The following MTPAP variants were observed in gnomAD, a reference collection of about 807,000 sequenced individuals.
MTPAP encodes the protein poly(A) RNA polymerase, mitochondrial.
In MTPAP, 23 loss-of-function variants were observed where a neutral mutation model predicts 48.7. That is an observed-to-expected ratio of 0.47 (90% CI 0.34 to 0.67). MTPAP has a LOEUF of 0.67. MTPAP is among the 30% of genes least tolerant of loss of function. The pLI, the probability that MTPAP is intolerant of heterozygous loss-of-function variation, is 0.01. For missense variants in MTPAP, 614 were observed against 694.3 expected (o/e 0.88, Z 1.30); for synonymous variants, 257 against 254.1 (o/e 1.01, Z -0.11).
intron 1 of MTPAP, chr10:30,348,814 T>C: frequency 2.4e-6 from 1 of 419,280 alleles, no homozygotes; most frequent in Admixed American, 3.8e-5. Context: ...TTGGGAACAC[T>C]ATTTCGTCAA....
intron 6 of MTPAP, among the ~76,000 whole-genome samples, chr10:30,321,172 G>C (rs1397455393): frequency 6.6e-6 from 1 of 152,134 alleles, no homozygotes; most frequent in Non-Finnish European, 1.5e-5. Context: ...TCTCAAAAGT[G>C]AGATAAGTGA....
At chr10:30,315,515 C>A (rs553563) in intron 8 of MTPAP, among the ~76,000 whole-genome samples, 84,479 of 137,468 alleles carry the variant, frequency 0.61, 27,252 homozygotes, top group Middle Eastern at 0.72. Flanking sequence ...AAAAAAAAAA[C>A]AAAACAAAAC....
Position 30,326,491 on chromosome 10 carries a change from G to T in MTPAP, c.925C>A (p.Arg309=). ...CVGVQKILNA[R]CPLVRFSHQA... ...TGTGAGAACCTCACGAGCGGACACC[G>T]GGCATTTAATATTTTTTGCACACCC... The change falls in exon 5 of 9, where the codon CGG becomes AGG. Residue 309 remains arginine, a synonymous_variant. Coordinates refer to ENST00000263063, the MANE Select transcript of MTPAP (RefSeq NM_018109.4). 1 of 1,614,062 alleles carries T rather than the reference G, an allele frequency of 6.2e-7. No individual in the cohort carries two copies. The highest frequency in any genetic ancestry group is 8.5e-7 in the Non-Finnish European group (1 of 1,180,008).
chr10:30,320,759 C>T (rs1313198657), intron 6 of MTPAP, among the ~76,000 whole-genome samples: 1 of 152,134 alleles, frequency 6.6e-6, no homozygotes, highest in African/African-American at 2.4e-5. Flanking sequence ...GGTACCAGTA[C>T]TTGTAAGACT....
intron 1 of MTPAP, among the ~76,000 whole-genome samples, chr10:30,344,861 G>A (rs181906002): frequency 7.0e-4 from 107 of 152,140 alleles, no homozygotes; most frequent in African/African-American, 2.5e-3. Context: ...CTGCCACTGC[G>A]CCAGGCTAAT....
chr10:30,342,161 A>G (rs1056583791), intron 1 of MTPAP, among the ~76,000 whole-genome samples: 1 of 152,142 alleles, frequency 6.6e-6, no homozygotes, highest in African/African-American at 2.4e-5. Flanking sequence ...ACTTGAAACC[A>G]GGTGGCAGAC....
chr10:30,331,777 G>A (rs550028917), intron 4 of MTPAP, among the ~76,000 whole-genome samples: 8 of 152,338 alleles, frequency 5.3e-5, no homozygotes, highest in African/African-American at 1.9e-4. Context: ...ACATTGGCCA[G>A]GCTGGCCTTG....
intron 6 of MTPAP, among the ~76,000 whole-genome samples, chr10:30,321,077 C>T (rs771874871): frequency 2.0e-5 from 3 of 152,056 alleles, no homozygotes; most frequent in Non-Finnish European, 4.4e-5. Context: ...TAACACCTGA[C>T]GCATAGGAAG....
chr10:30,326,904 G>C (rs1355174466), intron 4 of MTPAP, among the ~76,000 whole-genome samples: 1 of 152,098 alleles, frequency 6.6e-6, no homozygotes, highest in Non-Finnish European at 1.5e-5. Context: ...ATGAACTACA[G>C]TATAAAATGA....
intron 4 of MTPAP, among the ~76,000 whole-genome samples, chr10:30,331,883 C>G (rs944159649): frequency 6.6e-6 from 1 of 152,202 alleles, no homozygotes; most frequent in Non-Finnish European, 1.5e-5. Context: ...AACTTTTATT[C>G]ATTCATTAGC....
chr10:30,348,546 T>G (rs1029985575), intron 1 of MTPAP, among the ~76,000 whole-genome samples: 1 of 152,224 alleles, frequency 6.6e-6, no homozygotes, highest in African/African-American at 2.4e-5. Context: ...AGCATATAAA[T>G]GTAGAACGAA....
At chr10:30,343,843 C>T (rs1355389407) in intron 1 of MTPAP, among the ~76,000 whole-genome samples, 1 of 152,070 alleles carries the variant, frequency 6.6e-6, no homozygotes, top group East Asian at 1.9e-4. Context: ...GCTGAAATTA[C>T]AGGCATGACG....
At chr10:30,324,355 A>G (rs1834554820) in intron 5 of MTPAP, among the ~76,000 whole-genome samples, 1 of 152,108 alleles carries the variant, frequency 6.6e-6, no homozygotes, top group African/African-American at 2.4e-5. Flanking sequence ...ATAAAAATAA[A>G]AAATGTATAT....
chr10:30,342,543 C>CAAAAA (rs59507352), intron 1 of MTPAP, among the ~76,000 whole-genome samples: 3 of 136,564 alleles, frequency 2.2e-5, no homozygotes, highest in Non-Finnish European at 4.7e-5. Context: ...CGGAGTTCCA[C>CAAAAA]AAAAAAAAAA....
intron 4 of MTPAP, 112 bp from the exon 5 acceptor site, chr10:30,326,747 G>C: frequency 3.8e-6 from 3 of 796,460 alleles, no homozygotes. Context: ...AACAAAATAA[G>C]AAAAAAACAA....
At chr10:30,327,024 T>C (rs1834605282) in intron 4 of MTPAP, among the ~76,000 whole-genome samples, 1 of 152,094 alleles carries the variant, frequency 6.6e-6, no homozygotes, top group Non-Finnish European at 1.5e-5. Flanking sequence ...CCCACAGTAG[T>C]ATGGAAGTAC....
At position 30,340,261 on chromosome 10, in the gene MTPAP, T is replaced by C; in HGVS notation, c.520A>G (p.Lys174Glu). 2.5e-6 allele frequency: 4 copies of C among 1,614,178 alleles called. No homozygotes were observed. The highest frequency in any genetic ancestry group is 3.4e-6 in the Non-Finnish European group (4 of 1,180,006). ...TAACAAAGTAATTCAAAAAGCTGCT[T>C]GTTTGAACGTGGCAACTGATTACTT... ...RSSNQLPRSN[K>E]QLFELLCYAE... Residue 174 changes from lysine to glutamate, a missense_variant, in exon 3 of 9, where the codon AAG (lysine) becomes GAG (glutamate). By Grantham distance (56) the Lys-to-Glu change is moderately conservative. This residue lies in a region of MTPAP where 114 missense variants were observed against 107.9 expected (regional missense o/e 1.06). Coordinates refer to ENST00000263063, the MANE Select transcript of MTPAP (RefSeq NM_018109.4).
chr10:30,328,398 G>A (rs1412840951), intron 4 of MTPAP, among the ~76,000 whole-genome samples: 1 of 152,206 alleles, frequency 6.6e-6, no homozygotes, highest in Non-Finnish European at 1.5e-5. Context: ...CGTATCTACT[G>A]AAACTTGTAT....
At chr10:30,340,908 G>T (rs1166428977) in intron 2 of MTPAP, among the ~76,000 whole-genome samples, 1 of 143,640 alleles carries the variant, frequency 7.0e-6, no homozygotes, top group Non-Finnish European at 1.6e-5. Flanking sequence ...AACAGAGTGA[G>T]ACTCCATGTC....
Sources: gnomAD v4.1 joint callset for allele counts (sites outside exome capture counted in the v4.1 genomes callset) on GRCh38, gnomAD v4.1.1 for gene constraint, gnomAD v4.1.1 regional missense constraint, MANE v1.5 for transcripts, NCBI Gene and HGNC (gene_info 2026-07-23, HGNC 2026-07-21) for gene names.